DYTN: variants seen among roughly 807,000 people sequenced by gnomAD.
DYTN encodes the protein dystrotelin.
A neutral mutation model predicts 69.6 loss-of-function variants in DYTN; 75 were observed. That is an observed-to-expected ratio of 1.08 (90% CI 0.89 to 1.31). The LOEUF is 1.31. Ranked by LOEUF, DYTN falls within the 50% of genes most tolerant of loss-of-function variation. DYTN has a pLI of 0.00. For missense variants in DYTN, 726 were observed against 688.4 expected (o/e 1.05, Z -0.61); for synonymous variants, 252 against 249.1 (o/e 1.01, Z -0.11).
intron 5 of DYTN, chr2:206,701,134 C>G (rs577714287): frequency 1.3e-5 from 2 of 152,312 alleles, no homozygotes; most frequent in East Asian, 1.9e-4. Context: ...TGTATTCAAT[C>G]TGTAACTGAC....
intron 9 of DYTN, among the ~76,000 whole-genome samples, chr2:206,688,459 A>G (rs1183069858): frequency 6.6e-5 from 10 of 152,198 alleles, no homozygotes. Context: ...GACACAAAAT[A>G]GACACGAAAA....
At chr2:206,673,571 T>A (rs1268185957) in intron 9 of DYTN, among the ~76,000 whole-genome samples, 3 of 145,732 alleles carry the variant, frequency 2.1e-5, no homozygotes, top group Non-Finnish European at 4.4e-5. Flanking sequence ...TCCGATTTTT[T>A]AAAATAACCT....
chr2:206,693,403 C>T (rs889612208), intron 8 of DYTN, 80 bp from the exon 9 acceptor site: 51 of 1,504,496 alleles, frequency 3.4e-5, no homozygotes, highest in Middle Eastern at 3.5e-4. Context: ...ATGGACTGGC[C>T]ACCATGAAAG....
intron 9 of DYTN, among the ~76,000 whole-genome samples, chr2:206,667,822 C>T (rs954937211): frequency 1.3e-4 from 19 of 151,968 alleles, no homozygotes; most frequent in Non-Finnish European, 4.4e-5. Flanking sequence ...TTTATTTGAT[C>T]ACTGCTGTTA....
intron 9 of DYTN, among the ~76,000 whole-genome samples, chr2:206,683,265 C>A (rs1035587722): frequency 3.0e-4 from 45 of 152,000 alleles, no homozygotes; most frequent in African/African-American, 1.0e-3. Context: ...CAATGTTTCC[C>A]CAGAGTAAAA....
At chr2:206,672,848 C>A (rs757382778) in intron 9 of DYTN, among the ~76,000 whole-genome samples, 4 of 152,200 alleles carry the variant, frequency 2.6e-5, no homozygotes, top group Admixed American at 6.5e-5. Flanking sequence ...AAAAACATAG[C>A]ATTTCTAATC....
At chr2:206,682,413 CTG>C (rs1276952640) in intron 9 of DYTN, among the ~76,000 whole-genome samples, 1 of 152,194 alleles carries the variant, frequency 6.6e-6, no homozygotes, top group Non-Finnish European at 1.5e-5. Context: ...GAACACCATG[CTG>C]TGTCCTTGAA....
At chr2:206,687,361 C>T (rs1175329219) in intron 9 of DYTN, 8 of 152,582 alleles carry the variant, frequency 5.2e-5, no homozygotes, top group Non-Finnish European at 8.8e-5. Context: ...CCAGGGAGGT[C>T]CCTGTTTTGA....
intron 11 of DYTN, among the ~76,000 whole-genome samples, chr2:206,655,230 A>G (rs576705797): frequency 1.4e-5 from 2 of 144,358 alleles, no homozygotes; most frequent in Non-Finnish European, 3.0e-5. Context: ...TCCTATATCT[A>G]TTGTGATGAT....
Position 206,699,789 on chromosome 2 carries a change from A to G in DYTN, c.657T>C (p.Ala219=). The G allele has an allele frequency of 1.2e-6, 2 of 1,613,904 alleles. No individual in the cohort carries two copies. The highest frequency in any genetic ancestry group is 8.5e-7 in the Non-Finnish European group (1 of 1,179,840). The part of the protein sequence containing the change: ...WLPTCHRLSA[A]ERVTHPARCT... ...ACCGAGCAGGGTGAGTGACCCTTTCAGCAGCTGATAACCGGTGGCAGGTCG... is the reference window on the plus strand; with the variant it reads ...ACCGAGCAGGGTGAGTGACCCTTTCGGCAGCTGATAACCGGTGGCAGGTCG... The change falls in exon 7 of 12, where the codon GCT becomes GCC. Residue 219 remains alanine, a synonymous_variant. Transcript: ENST00000452335.
chr2:206,667,683 C>A (rs533412695), intron 9 of DYTN, among the ~76,000 whole-genome samples: 3 of 144,646 alleles, frequency 2.1e-5, no homozygotes, highest in Admixed American at 7.1e-5. Context: ...TTTATTCTGG[C>A]AACTTTGCGT....
chr2:206,685,979 G>A (rs1255891095), intron 9 of DYTN, among the ~76,000 whole-genome samples: 2 of 125,810 alleles, frequency 1.6e-5, no homozygotes, highest in African/African-American at 7.0e-5. Context: ...TACAGAAATA[G>A]AGTGCGGAAA....
chr2:206,710,437 T>TG (rs1700069245), intron 2 of DYTN, 87 bp downstream of exon 2: 5 of 1,245,486 alleles, frequency 4.0e-6, no homozygotes, highest in South Asian at 1.4e-5. Context: ...GTCAGCTGCA[T>TG]GGGGGGAGTG....
chr2:206,666,804 T>C (rs1699577335), intron 9 of DYTN, among the ~76,000 whole-genome samples: 1 of 144,978 alleles, frequency 6.9e-6, no homozygotes, highest in Non-Finnish European at 1.5e-5. Flanking sequence ...AGTTGGGGTA[T>C]CCCTTGAGGC....
chr2:206,684,032 G>A (rs1209254540), intron 9 of DYTN, among the ~76,000 whole-genome samples: 3 of 148,568 alleles, frequency 2.0e-5, no homozygotes, highest in Non-Finnish European at 4.5e-5. Flanking sequence ...CATTTGTCTG[G>A]TCCTCACTAG....
At chr2:206,695,326 G>T (rs1183301587) in intron 7 of DYTN, among the ~76,000 whole-genome samples, 1 of 152,108 alleles carries the variant, frequency 6.6e-6, no homozygotes, top group Non-Finnish European at 1.5e-5. Context: ...CTTTTGCAGG[G>T]TATGATAATA....
Position 206,718,376 on chromosome 2 carries a change from G to A in DYTN, c.-97C>T. The A allele has an allele frequency of 7.4e-7, 1 of 1,354,986 alleles. No homozygotes were observed. The highest frequency in any genetic ancestry group is 1.0e-6 in the Non-Finnish European group (1 of 991,130). The allele number at this position is 1,354,986 out of a possible 1,614,324, so 83.9% of individuals were successfully genotyped here. A position where few individuals can be genotyped will look rare whatever the true frequency, so the allele number is the denominator to read the frequency against. ...GAAGGTTTTGCAGCAGAGGAATGAG[G>A]ACAGGGGAACAAAAAGGCAACTAAA... On this transcript the variant is annotated 5_prime_UTR_variant, in exon 1 of 12. Transcript: ENST00000452335.
chr2:206,701,187 A>G (rs1699973016), intron 5 of DYTN: 1 of 152,250 alleles, frequency 6.6e-6, no homozygotes, highest in African/African-American at 2.4e-5. Context: ...GGACAAGCCT[A>G]GAGTGGCTTT....
intron 9 of DYTN, among the ~76,000 whole-genome samples, chr2:206,691,679 T>C (rs531751074): frequency 6.6e-6 from 1 of 152,320 alleles, no homozygotes; most frequent in East Asian, 1.9e-4. Flanking sequence ...CATATATTGA[T>C]TAACAACCTG....
Sources: gnomAD v4.1 joint callset for allele counts (sites outside exome capture counted in the v4.1 genomes callset) on GRCh38, gnomAD v4.1.1 for gene constraint, MANE v1.5 for transcripts, NCBI Gene and HGNC (gene_info 2026-07-23, HGNC 2026-07-21) for gene names.